Variants in FKBP9 observed in about 807,000 individuals in gnomAD.
FKBP9 encodes peptidyl-prolyl cis-trans isomerase FKBP9.
Under a neutral mutation model 55.6 loss-of-function variants are expected in FKBP9, and 27 were observed. The ratio of observed to expected loss-of-function variants is 0.49; its 90% CI spans 0.36 to 0.67. The LOEUF (loss-of-function observed/expected upper bound fraction) is 0.67, where lower values mean the gene tolerates loss of function less well. FKBP9 is among the 30% of genes least tolerant of loss of function. The probability of loss-of-function intolerance (pLI) is 0.00; values close to 1 mark genes in which losing one functional copy is unlikely to be tolerated. For missense variants in FKBP9, 539 were observed against 742.8 expected (o/e 0.73, Z 3.19); for synonymous variants, 267 against 296.5 (o/e 0.90, Z 1.02).
intron 1 of FKBP9, among the ~76,000 whole-genome samples, chr7:32,967,983 G>C (rs1273753518): frequency 6.6e-6 from 1 of 152,160 alleles, no homozygotes; most frequent in Admixed American, 6.5e-5. Context: ...TCTAACTCCC[G>C]ACCTCAGGTG....
At chr7:32,997,305 C>A (rs1784835865) in intron 7 of FKBP9, among the ~76,000 whole-genome samples, 1 of 152,184 alleles carries the variant, frequency 6.6e-6, no homozygotes, top group African/African-American at 2.4e-5. Context: ...CTCCTGGGTT[C>A]AGGTGATCCT....
At chr7:32,962,047 C>T (rs1784036563) in intron 1 of FKBP9, among the ~76,000 whole-genome samples, 5 of 152,018 alleles carry the variant, frequency 3.3e-5, no homozygotes, top group Admixed American at 3.3e-4. Flanking sequence ...AAAGTGAATT[C>T]CTTTCATGAA....
At chr7:32,979,449 C>G (rs1784428426) in intron 4 of FKBP9, 1 of 1,397,186 alleles carries the variant, frequency 7.2e-7, no homozygotes, top group African/African-American at 1.4e-5. Context: ...CGGCTTTCAG[C>G]AGATTTCATC....
intron 7 of FKBP9, among the ~76,000 whole-genome samples, chr7:32,996,747 CTTT>C (rs775429776): frequency 2.3e-4 from 3 of 13,318 alleles, no homozygotes; most frequent in African/African-American, 5.1e-4. Flanking sequence ...TCCTTTCTTT[CTTT>C]TTTTTTTTTT....
At position 33,000,178 on chromosome 7, in the gene FKBP9, C is replaced by T. The variant is rs369594659; in HGVS notation, c.1290C>T (p.Asp430=). ...CTGGGCAAGTTGTGTTGGGGATGGA[C>T]ATGGGTCTCAGAGAGATGTGCGTTG... ...LGSGQVVLGM[D]MGLREMCVGE... is the part of the protein sequence containing the mutation. Residue 430 remains aspartate (D), a synonymous_variant, in exon 8 of 10, where the codon GAC becomes GAT. Transcript: ENST00000242209. 42 of 1,613,670 alleles carry T rather than the reference C, an allele frequency of 2.6e-5. No individual in the cohort carries two copies. Among genetic ancestry groups the T allele is most frequent in the African/African-American group, 4.0e-5 (3 of 74,826 alleles).
At chr7:32,978,081 C>T (rs1285234148) in intron 4 of FKBP9, among the ~76,000 whole-genome samples, 1 of 151,332 alleles carries the variant, frequency 6.6e-6, no homozygotes, top group Admixed American at 6.6e-5. Context: ...GCAACCATGC[C>T]TGGCAGATTT....
Position 33,005,569 on chromosome 7 carries a change from G to A in FKBP9, c.*218G>A. On this transcript the variant is annotated 3_prime_UTR_variant, in exon 10 of 10. Transcript: ENST00000242209. Reference sequence around the variant, plus strand: ...ATAGTAAACAAAATCTGTGCAGAGGGCCTTAGCATGGGATGTGTCCAGTAT... The same window carrying A: ...ATAGTAAACAAAATCTGTGCAGAGGACCTTAGCATGGGATGTGTCCAGTAT... The A allele has an allele frequency of 1.9e-6, 1 of 535,262 alleles. No individual in the cohort carries two copies. Among genetic ancestry groups the A allele is most frequent in the African/African-American group, 1.9e-5 (1 of 52,760 alleles). The allele number at this position is 535,262 out of a possible 1,614,324, so 33.2% of individuals were successfully genotyped here.
At chr7:32,963,156 G>A (rs1170081639) in intron 1 of FKBP9, among the ~76,000 whole-genome samples, 2 of 152,138 alleles carry the variant, frequency 1.3e-5, no homozygotes, top group Non-Finnish European at 2.9e-5. Flanking sequence ...CCTTGAAGCG[G>A]GGAGTGTGTT....
At chr7:32,998,780 G>A (rs1489347038) in intron 7 of FKBP9, among the ~76,000 whole-genome samples, 2 of 152,166 alleles carry the variant, frequency 1.3e-5, no homozygotes, top group Non-Finnish European at 2.9e-5. Context: ...GCTGCAGGCC[G>A]GCGGTGGATG....
At chr7:32,964,986 A>G (rs1362191495) in intron 1 of FKBP9, among the ~76,000 whole-genome samples, 1 of 152,222 alleles carries the variant, frequency 6.6e-6, no homozygotes, top group Non-Finnish European at 1.5e-5. Flanking sequence ...CCAAACGTCA[A>G]GCAGGTCCCC....
intron 1 of FKBP9, among the ~76,000 whole-genome samples, chr7:32,963,044 C>T (rs542580745): frequency 9.8e-5 from 15 of 152,310 alleles, no homozygotes; most frequent in African/African-American, 2.4e-4. Context: ...TACCTCTACC[C>T]GTTCCAGGGA....
chr7:32,987,908 G>A (rs1305740321), intron 5 of FKBP9, among the ~76,000 whole-genome samples: 2 of 152,120 alleles, frequency 1.3e-5, no homozygotes, highest in African/African-American at 4.8e-5. Context: ...GGCTGGGCAC[G>A]GTGGCTCATA....
At chr7:32,998,924 T>G (rs986116980) in intron 7 of FKBP9, among the ~76,000 whole-genome samples, 2 of 152,124 alleles carry the variant, frequency 1.3e-5, no homozygotes, top group African/African-American at 4.8e-5. Flanking sequence ...GACAACAAAT[T>G]GTTTGCTTGG....
chr7:33,000,167 T>C lies in FKBP9; in HGVS notation c.1279T>C (p.Leu427=). 5 of 1,613,914 alleles carry C rather than the reference T, an allele frequency of 3.1e-6. No homozygotes were observed. The highest frequency in any genetic ancestry group is 4.2e-6 in the Non-Finnish European group (5 of 1,179,916). Reference sequence around the variant, plus strand: ...TGTTCTGGGATCTGGGCAAGTTGTGTTGGGGATGGACATGGGTCTCAGAGA... The same window carrying C: ...TGTTCTGGGATCTGGGCAAGTTGTGCTGGGGATGGACATGGGTCTCAGAGA... ...NIVLGSGQVV[L]GMDMGLREMC... is the part of the protein sequence containing the mutation. The change falls in exon 8 of 10, where the codon TTG becomes CTG. Residue 427 remains leucine (L), a synonymous_variant. Coordinates refer to ENST00000242209, the MANE Select transcript of FKBP9 (RefSeq NM_007270.5).
chr7:32,983,153 A>G (rs767205136), intron 5 of FKBP9, among the ~76,000 whole-genome samples: 13 of 151,940 alleles, frequency 8.6e-5, no homozygotes, highest in Non-Finnish European at 1.9e-4. Flanking sequence ...CCTCCTTAGT[A>G]GCTAGGATTA....
chr7:32,971,256 T>TA (rs1784247379), intron 1 of FKBP9, among the ~76,000 whole-genome samples: 2 of 152,214 alleles, frequency 1.3e-5, no homozygotes, highest in Non-Finnish European at 2.9e-5. Context: ...AACAACTTTA[T>TA]TTTTCCAGAT....
chr7:32,997,217 G>T (rs1256030226), intron 7 of FKBP9, among the ~76,000 whole-genome samples: 1 of 152,082 alleles, frequency 6.6e-6, no homozygotes, highest in African/African-American at 2.4e-5. Context: ...TTGCAGGCAC[G>T]CACCACTATA....
At chr7:32,976,054 C>T (rs193191624) in intron 3 of FKBP9, among the ~76,000 whole-genome samples, 13 of 152,286 alleles carry the variant, frequency 8.5e-5, no homozygotes, top group Non-Finnish European at 1.6e-4. Context: ...TATGGAGAGG[C>T]ATGGGGCTAC....
At chr7:32,984,241 C>G (rs905550768) in intron 5 of FKBP9, among the ~76,000 whole-genome samples, 1 of 145,296 alleles carries the variant, frequency 6.9e-6, no homozygotes, top group Non-Finnish European at 1.5e-5. Flanking sequence ...GTAATATGTT[C>G]TTTTTTTTTT....
Sources: gnomAD v4.1 joint callset for allele counts (sites outside exome capture counted in the v4.1 genomes callset) on GRCh38, gnomAD v4.1.1 for gene constraint, MANE v1.5 for transcripts, NCBI Gene and HGNC (gene_info 2026-07-23, HGNC 2026-07-21) for gene names.